TPT1: variants seen among roughly 807,000 people sequenced by gnomAD.
The protein encoded by TPT1 is tumor protein, translationally-controlled 1.
Under a neutral mutation model 22.8 loss-of-function variants are expected in TPT1, and 5 were observed. That is an observed-to-expected ratio of 0.22 (90% CI 0.11 to 0.46). TPT1 has a LOEUF of 0.46. TPT1 is among the 20% of genes least tolerant of loss of function. The pLI is 0.99. For missense variants in TPT1, 130 were observed against 218.7 expected, an observed-to-expected ratio of 0.59 and a Z score of 2.56; for synonymous variants, 89 against 73.6, an observed-to-expected ratio of 1.21 and a Z score of -1.07.
rs769168946 is a variant in TPT1, at chr13:45,336,803, A to T, written c.*583T>A. The T allele has an allele frequency of 6.5e-6, 1 of 153,046 alleles. No homozygotes were observed. The highest frequency in any genetic ancestry group is 6.5e-5 in the Admixed American group (1 of 15,328). 9.5% of individuals were successfully genotyped at this position (153,046 alleles called of 1,614,324 possible). A position where few individuals can be genotyped will look rare whatever the true frequency, so the allele number is the denominator to read the frequency against. ...CCAGTCCCTGTTCTAGTTACCAGGG[A>T]GTTTAATTAACATTCATCCCAAAAG... On this transcript the variant is annotated 3_prime_UTR_variant, in exon 6 of 6. Transcript: ENST00000530705.
Position 45,337,096 on chromosome 13 carries a change from A to T in TPT1, c.*290T>A, listed in dbSNP as rs1327132272. The T allele has an allele frequency of 2.1e-6, 1 of 467,736 alleles. No homozygotes were observed. 29.0% of individuals were successfully genotyped at this position (467,736 alleles called of 1,614,324 possible). ...AGTTAATTGATGAGTAGTAGCCTAC[A>T]ATCAGGCTCTAGCTTCTCCAGGAAC... On this transcript the variant is annotated 3_prime_UTR_variant, in exon 6 of 6. Coordinates refer to ENST00000530705, the MANE Select transcript of TPT1 (RefSeq NM_003295.4).
chr13:45,335,030 CCA>C lies in TPT1; in HGVS notation c.*2354_*2355del, dbSNP rs1878583393. On this transcript the variant is annotated 3_prime_UTR_variant, in exon 6 of 6. Coordinates refer to ENST00000530705, the MANE Select transcript of TPT1 (RefSeq NM_003295.4). The stretch of plus-strand genomic sequence containing the variant: ...TCCTCTTGCTCCACTCAGTTGTTCT[CCA>C]CACTTTAACAAACCCTAGGGCCCAC... 6.6e-6 allele frequency: 1 copy of C among 152,322 alleles called. No homozygotes were observed. Among genetic ancestry groups the C allele is most frequent in the African/African-American group, 2.4e-5 (1 of 41,564 alleles). The allele number at this position is 152,322 out of a possible 1,614,324, so 9.4% of individuals were successfully genotyped here.
chr13:45,339,877 TA>T, intron 3 of TPT1, 116 bp downstream of exon 3: 2 of 1,199,802 alleles, frequency 1.7e-6, no homozygotes, highest in Non-Finnish European at 1.2e-6. Flanking sequence ...AACTCATTAA[TA>T]AAAAAGCAAG....
chr13:45,339,344 A>T (rs1253964056), intron 4 of TPT1, 153 bp downstream of exon 4: 1 of 560,514 alleles, frequency 1.8e-6, no homozygotes, highest in Admixed American at 3.7e-5. Context: ...GCAAATTTTC[A>T]ATCAGAAGAC....
intron 5 of TPT1, 130 bp from the exon 6 acceptor site, chr13:45,337,518 C>A: frequency 6.2e-7 from 1 of 1,613,388 alleles, no homozygotes; most frequent in African/African-American, 1.3e-5. Flanking sequence ...GCCACAAAGA[C>A]AGACAGAAAG....
chr13:45,340,994 C>T (rs746123883), intron 1 of TPT1, 48 bp downstream of exon 1: 9 of 1,594,116 alleles, frequency 5.6e-6, no homozygotes, highest in Non-Finnish European at 7.7e-6. Context: ...CCCACCCGCA[C>T]CCCAGACCCC....
intron 5 of TPT1, 163 bp downstream of exon 5, chr13:45,338,497 A>G: frequency 7.3e-7 from 1 of 1,365,420 alleles, no homozygotes; most frequent in South Asian, 1.6e-5. Context: ...TACCCTAAGA[A>G]TTTTTTACAT....
chr13:45,334,813 A>G lies in TPT1; in HGVS notation c.*2573T>C, dbSNP rs1010029267. The stretch of plus-strand genomic sequence containing the variant: ...GAGGTCTGGTCTTCCTTCCTTGCAC[A>G]CTCCCACTGCTTTACAACCCTTCCT... On this transcript the variant is annotated 3_prime_UTR_variant, in exon 6 of 6. Transcript: ENST00000530705. 1.3e-5 allele frequency: 2 copies of G among 151,912 alleles called. No homozygotes were observed. The highest frequency in any genetic ancestry group is 2.9e-5 in the Non-Finnish European group (2 of 68,020). The allele number at this position is 151,912 out of a possible 1,614,324, so 9.4% of individuals were successfully genotyped here.
rs1366116747 is a variant in TPT1, at chr13:45,333,526, A to C, written c.*3860T>G. 2.0e-5 allele frequency: 3 copies of C among 152,204 alleles called. No individual in the cohort carries two copies. Among genetic ancestry groups the C allele is most frequent in the Non-Finnish European group, 4.4e-5 (3 of 68,042 alleles). 9.4% of individuals were successfully genotyped at this position (152,204 alleles called of 1,614,324 possible). On this transcript the variant is annotated 3_prime_UTR_variant, in exon 6 of 6. Transcript: ENST00000530705. ...TTATTGCTCGTCTTGCAATTTTACC[A>C]TAATTATCACCAGTTTAGTTTGCAG...
chr13:45,337,126 C>T lies in TPT1; in HGVS notation c.*260G>A. 1 of 536,426 alleles carries T rather than the reference C, an allele frequency of 1.9e-6. No individual in the cohort carries two copies. Among genetic ancestry groups the T allele is most frequent in the Non-Finnish European group, 3.3e-6 (1 of 300,330 alleles). The allele number at this position is 536,426 out of a possible 1,614,324, so 33.2% of individuals were successfully genotyped here. A position where few individuals can be genotyped will look rare whatever the true frequency, so the allele number is the denominator to read the frequency against. ...GGCTCTAGCTTCTCCAGGAACACTA[C>T]AGGATCAATTTAGTTTAAATATGCA... On this transcript the variant is annotated 3_prime_UTR_variant, in exon 6 of 6. Transcript: ENST00000530705.
rs973752791 is a variant in TPT1 at position 45,340,961 on chromosome 13, G to C, written c.28+81C>G. On this transcript the variant is annotated intron_variant, in intron 1 of 5. Coordinates refer to ENST00000530705, the MANE Select transcript of TPT1 (RefSeq NM_003295.4). ...AAGACCGCCGGCGTCCCCTAGGCCC[G>C]CGACGGCTGCGCCTTCCCCGCCCCC... 33 of 1,554,218 alleles carry C rather than the reference G, an allele frequency of 2.1e-5. No homozygotes were observed. The South Asian group carries it at 3.8e-4, about 18-fold the overall frequency.
rs369483270 is a variant in TPT1, at chr13:45,337,567, A to G, written c.517-179T>C. ...TTCTTTTGCATCCTAGTGCAAACCA[A>G]AAGAACAACAGTAAATTGTTCAAGG... On this transcript the variant is annotated intron_variant, in intron 5 of 5. Transcript: ENST00000530705. 3.4e-5 allele frequency: 54 copies of G among 1,609,296 alleles called. No homozygotes were observed. The African/African-American group carries it at 6.5e-4, about 19-fold the overall frequency.
chr13:45,339,750 C>G lies in TPT1; in HGVS notation c.294-148G>C, dbSNP rs553437356. On this transcript the variant is annotated intron_variant, in intron 3 of 5. Transcript: ENST00000530705. ...TTACTAGTTCACAGAAGGTATCTTT[C>G]AAGAATGTTTACATTTCTTGTTGAC... The G allele has an allele frequency of 2.8e-5, 22 of 783,882 alleles. No homozygotes were observed. In the Admixed American group the frequency reaches 5.1e-4, roughly 18 times the overall value. The allele number at this position is 783,882 out of a possible 1,614,324, so 48.6% of individuals were successfully genotyped here. A position where few individuals can be genotyped will look rare whatever the true frequency, so the allele number is the denominator to read the frequency against.
At chr13:45,337,701 C>T (rs943690441) in intron 5 of TPT1, 4 of 765,452 alleles carry the variant, frequency 5.2e-6, no homozygotes, top group African/African-American at 1.7e-5. Flanking sequence ...ACCTCAGATA[C>T]TGTCTGAATA....
chr13:45,340,873 G>A (rs1879072039), intron 1 of TPT1, 88 bp from the exon 2 acceptor site: 16 of 1,458,090 alleles, frequency 1.1e-5, no homozygotes, highest in South Asian at 4.3e-5. Context: ...CGCGGGATCT[G>A]CCCCTCCGTA....
rs1431570218 is a variant in TPT1, at chr13:45,333,890, T to G, written c.*3496A>C. 6.6e-6 allele frequency: 1 copy of G among 152,162 alleles called. No individual in the cohort carries two copies. Among genetic ancestry groups the G allele is most frequent in the Non-Finnish European group, 1.5e-5 (1 of 68,032 alleles). 9.4% of individuals were successfully genotyped at this position (152,162 alleles called of 1,614,324 possible). On this transcript the variant is annotated 3_prime_UTR_variant, in exon 6 of 6. Coordinates refer to ENST00000530705, the MANE Select transcript of TPT1 (RefSeq NM_003295.4). ...TTCCTAAAACTTTTTCCACCTGACC[T>G]CTGGGAGGCCCTCCCTTGGTTCTTA...
rs550770186 is a variant in TPT1, at chr13:45,335,924, A to G, written c.*1462T>C. The G allele has an allele frequency of 6.6e-6, 1 of 152,312 alleles. No homozygotes were observed. Among genetic ancestry groups the G allele is most frequent in the African/African-American group, 2.4e-5 (1 of 41,564 alleles). 9.4% of individuals were successfully genotyped at this position (152,312 alleles called of 1,614,324 possible). ...AACTCCAGATTGCTCAAACCACTAC[A>G]TTCACATGTTCAAGCAGACCAGAGT... On this transcript the variant is annotated 3_prime_UTR_variant, in exon 6 of 6. Transcript: ENST00000530705.
chr13:45,341,090 G>A lies in TPT1; in HGVS notation c.-21C>T. ...ATCATGATGGCGACTGAAGGGAGAC[G>A]ACGACGGCGCTAGCTTAGCACGAGC... On this transcript the variant is annotated 5_prime_UTR_variant, in exon 1 of 6. Transcript: ENST00000530705. 1 of 1,612,726 alleles carries A rather than the reference G, an allele frequency of 6.2e-7. No homozygotes were observed. Among genetic ancestry groups the A allele is most frequent in the Non-Finnish European group, 8.5e-7 (1 of 1,179,312 alleles).
chr13:45,339,402 G>C (rs2234222), intron 4 of TPT1, 95 bp downstream of exon 4: 45,972 of 1,054,830 alleles, frequency 0.044, 1,316 homozygotes, highest in Non-Finnish European at 0.05. Flanking sequence ...TCTACACCTG[G>C]AATACTAGTA....
Sources: allele counts gnomAD v4.1 joint callset, GRCh38; gene constraint gnomAD v4.1.1; transcripts MANE v1.5; gene names NCBI Gene and HGNC (gene_info 2026-07-23, HGNC 2026-07-21).